The following SARS1 variants were observed in gnomAD, a reference collection of about 807,000 sequenced individuals.
SARS1 encodes the protein seryl-tRNA synthetase 1.
In SARS1, 25 loss-of-function variants were observed where a neutral mutation model predicts 63.7. The observed-to-expected ratio is 0.39, with a 90% CI of 0.29 to 0.55. SARS1 has a LOEUF of 0.55. Among genes scored for constraint, SARS1 ranks in the 20% least tolerant of loss-of-function variants. SARS1 has a pLI of 0.62. For missense variants in SARS1, 417 were observed against 649.7 expected, an observed-to-expected ratio of 0.64 and a Z score of 3.89; for synonymous variants, 231 against 243.5, an observed-to-expected ratio of 0.95 and a Z score of 0.48.
intron 1 of SARS1, chr1:109,215,023 G>A (rs969216043): frequency 3.0e-6 from 3 of 985,326 alleles, no homozygotes; most frequent in Non-Finnish European, 3.6e-6. Context: ...CAACCATCTG[G>A]GAGCTAGGTC....
chr1:109,222,102 G>A (rs1654964103), intron 1 of SARS1, among the ~76,000 whole-genome samples: 2 of 128,382 alleles, frequency 1.6e-5, no homozygotes, highest in Admixed American at 1.8e-4. Flanking sequence ...GGGCTCAAGC[G>A]ACCCACCCAC....
Position 109,230,863 on chromosome 1 carries a change from GCT to G in SARS1, c.448-12_448-11del, listed in dbSNP as rs1411018428. On this transcript the variant is annotated splice_polypyrimidine_tract_variant and intron_variant, in intron 4 of 10. Coordinates refer to ENST00000234677, the MANE Select transcript of SARS1 (RefSeq NM_006513.4). The stretch of plus-strand genomic sequence containing the variant: ...CATATGTCTTGTATGTCTCTTTCTT[GCT>G]CTGTTTCCTTAGGATGTGGACAACA... The G allele has an allele frequency of 1.3e-6, 2 of 1,592,530 alleles. No individual in the cohort carries two copies. Among genetic ancestry groups the G allele is most frequent in the African/African-American group, 2.7e-5 (2 of 73,500 alleles).
rs755959373 is a variant in SARS1, at chr1:109,231,657, T to C, written c.618T>C (p.Ala206=). The change falls in exon 6 of 11, where the codon GCT becomes GCC. Residue 206 remains alanine (A), a synonymous_variant. Transcript: ENST00000234677. ...LKGVLVFLEQ[A]LIQYALRTLG... ...GGGTCCTGGTGTTCCTGGAACAGGC[T>C]CTCATCCAGTATGCCCTTCGCACCT... 5.1e-6 allele frequency: 8 copies of C among 1,567,854 alleles called. No homozygotes were observed. In the South Asian group the frequency reaches 9.5e-5, roughly 19 times the overall value.
At position 109,217,622 on chromosome 1, in the gene SARS1, A is replaced by G. The variant is rs554785391; in HGVS notation, c.136+3494A>G. On this transcript the variant is annotated intron_variant, in intron 1 of 10. Coordinates refer to ENST00000234677, the MANE Select transcript of SARS1 (RefSeq NM_006513.4). ...GTTGCCTAGGCTGGAATGCAGTGGC[A>G]TGATCACAGCTCACTGCAGCCTGGA... Among the ~76,000 whole-genome samples the G allele has an allele frequency of 4.0e-5, 6 of 151,898 alleles. No individual in the cohort carries two copies. In the East Asian group the frequency reaches 9.7e-4, roughly 24 times the overall value.
chr1:109,214,251 G>A lies in SARS1; in HGVS notation c.136+123G>A, dbSNP rs1166864384. ...GTCAGACCCCCTCCCAGGGTGCGGT[G>A]GCTCCGAGGTTCTCCCCATCCCCGA... On this transcript the variant is annotated intron_variant, in intron 1 of 10. Coordinates refer to ENST00000234677, the MANE Select transcript of SARS1 (RefSeq NM_006513.4). This position sits in a 1 kb window ranked among gnomAD's most constrained non-coding sequence, Gnocchi z 4.6. 1 of 1,192,732 alleles carries A rather than the reference G, an allele frequency of 8.4e-7. No individual in the cohort carries two copies. Among genetic ancestry groups the A allele is most frequent in the Non-Finnish European group, 1.2e-6 (1 of 863,022 alleles). 73.9% of individuals were successfully genotyped at this position (1,192,732 alleles called of 1,614,324 possible).
chr1:109,231,214 C>T, intron 5 of SARS1, 193 bp downstream of exon 5: 1 of 312,714 alleles, frequency 3.2e-6, no homozygotes, highest in Non-Finnish European at 5.5e-6. Flanking sequence ...GAGGGCTTAT[C>T]AGGATTCCGT....
intron 1 of SARS1, among the ~76,000 whole-genome samples, chr1:109,221,959 T>TG (rs1238012780): frequency 1.3e-3 from 10 of 7,734 alleles, no homozygotes; most frequent in African/African-American, 1.9e-3. Flanking sequence ...AGCTAATTTT[T>TG]TTGTGTGTGT....
chr1:109,213,902 G>C (rs935181688), upstream of SARS1: 24 of 1,455,692 alleles, frequency 1.6e-5, no homozygotes, highest in Non-Finnish European at 2.2e-5. Flanking sequence ...CAGGAAGGGC[G>C]GGTCAGCGCG....
At chr1:109,232,016 C>T (rs1379927231) in intron 6 of SARS1, among the ~76,000 whole-genome samples, 1 of 152,196 alleles carries the variant, frequency 6.6e-6, no homozygotes, top group Non-Finnish European at 1.5e-5. Flanking sequence ...GACAGTGCAG[C>T]TGCAGAGCCT....
intron 6 of SARS1, among the ~76,000 whole-genome samples, chr1:109,233,902 CTCTT>C (rs1012250965): frequency 8.4e-5 from 10 of 118,624 alleles, no homozygotes; most frequent in African/African-American, 3.0e-4. Flanking sequence ...CGGTATCTCA[CTCTT>C]TCACCCAGGC....
rs142272817 is a variant in SARS1 at position 109,219,262 on chromosome 1, CATATATATATATAT to C, written c.137-4702_137-4689del. ...GCCTGGGCGATAGAGCAAGACTCTC[CATATATATATATAT>C]ATATATATATATAGTGTACATATAC... On this transcript the variant is annotated intron_variant, in intron 1 of 10. Coordinates refer to ENST00000234677, the MANE Select transcript of SARS1 (RefSeq NM_006513.4). 7.8e-5 allele frequency among the ~76,000 whole-genome samples: 6 copies of C among 76,950 alleles called. No homozygotes were observed. In the South Asian group the frequency reaches 1.6e-3, roughly 21 times the overall value. 50.5% of individuals were successfully genotyped at this position (76,950 alleles called of 152,430 possible).
intron 6 of SARS1, among the ~76,000 whole-genome samples, chr1:109,233,484 C>T (rs192356482): frequency 1.4e-5 from 2 of 146,154 alleles, no homozygotes; most frequent in African/African-American, 2.5e-5. Flanking sequence ...TTCTTCCTTA[C>T]TTTTTTTTTT....
chr1:109,237,470 C>T lies in SARS1; in HGVS notation c.1387+97C>T, dbSNP rs989842014. 2 of 1,544,504 alleles carry T rather than the reference C, an allele frequency of 1.3e-6. No individual in the cohort carries two copies. The highest frequency in any genetic ancestry group is 1.8e-6 in the Non-Finnish European group (2 of 1,130,722). On this transcript the variant is annotated intron_variant, in intron 10 of 10. Transcript: ENST00000234677. The surrounding 1 kb of genome is among the most constrained non-coding windows in gnomAD (Gnocchi z 4.1). ...TCAGGATATACCAGGTTTTTTTGTT[C>T]AGACACAGCCCCTGAAACTCTGTCT... is the stretch of plus-strand genomic sequence containing the variant.
intron 1 of SARS1, among the ~76,000 whole-genome samples, chr1:109,219,038 G>A (rs908574993): frequency 2.6e-5 from 4 of 151,386 alleles, no homozygotes; most frequent in East Asian, 1.9e-4. Context: ...AGGCCGAGGC[G>A]GGCGGATCAT....
intron 1 of SARS1, among the ~76,000 whole-genome samples, chr1:109,223,326 C>T (rs1040322093): frequency 1.3e-5 from 2 of 152,204 alleles, no homozygotes; most frequent in African/African-American, 4.8e-5. Flanking sequence ...ACCTAGTTTC[C>T]TTAAATGAGT....
chr1:109,235,431 G>A lies in SARS1; in HGVS notation c.969G>A (p.Lys323=). The A allele has an allele frequency of 6.2e-7, 1 of 1,611,018 alleles. No homozygotes were observed. Among genetic ancestry groups the A allele is most frequent in the Non-Finnish European group, 8.5e-7 (1 of 1,179,428 alleles). Residue 323 remains lysine (K), a splice_region_variant and synonymous_variant, in exon 7 of 11, where the codon AAG becomes AAA. Coordinates refer to ENST00000234677, the MANE Select transcript of SARS1 (RefSeq NM_006513.4). This position sits in a 1 kb window ranked among gnomAD's most constrained non-coding sequence, Gnocchi z 4.7. ...TCTTCCGAGTCCATCAGTTTGAGAAGGTGAGTAGATGGGTCAGGGTAAGGA... is the reference window on the plus strand; with the variant it reads ...TCTTCCGAGTCCATCAGTTTGAGAAAGTGAGTAGATGGGTCAGGGTAAGGA... ...RGIFRVHQFE[K]IEQFVYSSPH...
intron 6 of SARS1, among the ~76,000 whole-genome samples, chr1:109,234,647 T>G (rs1255435124): frequency 6.6e-6 from 1 of 152,186 alleles, no homozygotes; most frequent in Non-Finnish European, 1.5e-5. Context: ...CCATTATTCA[T>G]CATGGATGAG....
At chr1:109,226,046 G>A (rs751501512) in intron 2 of SARS1, among the ~76,000 whole-genome samples, 6 of 151,568 alleles carry the variant, frequency 4.0e-5, no homozygotes, top group African/African-American at 7.3e-5. Flanking sequence ...AGGCTGGAGC[G>A]CAGTGGCACA....
In SARS1 at chr1:109,224,386, C is replaced by T. The variant is rs146183623; in HGVS notation, c.207+338C>T. 2.2e-3 allele frequency among the ~76,000 whole-genome samples: 328 copies of T among 152,236 alleles called. 4 individuals carry two copies. The Middle Eastern group carries it at 0.027, about 13-fold the overall frequency. On this transcript the variant is annotated intron_variant, in intron 2 of 10. Transcript: ENST00000234677. ...TTTGTCGTCTCAGCGTAGTTATGCTCCATAATGAAAACTACAGATTCAGAG... is the reference window on the plus strand; with the variant it reads ...TTTGTCGTCTCAGCGTAGTTATGCTTCATAATGAAAACTACAGATTCAGAG...
Sources: gnomAD v4.1 joint callset for allele counts (sites outside exome capture counted in the v4.1 genomes callset) on GRCh38, gnomAD v4.1.1 for gene constraint, Gnocchi (gnomAD v3.1) non-coding constraint, MANE v1.5 for transcripts, NCBI Gene and HGNC (gene_info 2026-07-23, HGNC 2026-07-21) for gene names.